Variants in ADAMTS5 observed in about 807,000 individuals in gnomAD.
The protein encoded by ADAMTS5 is ADAM metallopeptidase with thrombospondin type 1 motif 5, also known as A disintegrin and metalloproteinase with thrombospondin motifs 5.
ADAMTS5 carries 54 observed loss-of-function variants against 81.4 expected under a neutral mutation model. That is an observed-to-expected ratio of 0.66 (90% CI 0.53 to 0.83). The LOEUF is 0.83. Among genes scored for constraint, ADAMTS5 ranks in the 40% least tolerant of loss-of-function variants. ADAMTS5 has a pLI of 0.00. For missense variants in ADAMTS5, 1,194 were observed against 1,229.9 expected, an observed-to-expected ratio of 0.97 and a Z score of 0.44; for synonymous variants, 532 against 508.8, an observed-to-expected ratio of 1.05 and a Z score of -0.61.
At chr21:26,941,085 T>A in intron 3 of ADAMTS5, among the ~76,000 whole-genome samples, 1 of 152,126 alleles carries the variant, frequency 6.6e-6, no homozygotes, top group East Asian at 1.9e-4. Flanking sequence ...TTTGTTATTC[T>A]GAAATCACTT....
At position 26,924,338 on chromosome 21, in the gene ADAMTS5, T is replaced by C. The variant is rs750542824; in HGVS notation, c.2508A>G (p.Ala836=). Residue 836 remains alanine (A), a synonymous_variant, in exon 8 of 8, where the codon GCA becomes GCG. Transcript: ENST00000284987. ...CATCTAATGGTTTAGTGGGGTCTGT[T>C]GCAAGAATCTGCACTATTAGAATTT... The part of the protein sequence containing the change: ...TKEILIVQIL[A]TDPTKPLDVR... 2 of 1,614,226 alleles carry C rather than the reference T, an allele frequency of 1.2e-6. No individual in the cohort carries two copies. The highest frequency in any genetic ancestry group is 1.7e-6 in the Non-Finnish European group (2 of 1,180,042).
In ADAMTS5 at chr21:26,965,299, A is replaced by T; in HGVS notation, c.1093T>A (p.Phe365Ile). The T allele has an allele frequency of 6.2e-7, 1 of 1,610,674 alleles. No individual in the cohort carries two copies. The highest frequency in any genetic ancestry group is 2.2e-5 in the East Asian group (1 of 44,776). ...CCGGCTGGACCTACCTCCCGAGTAA[A>T]CAGGATAGCTGCATCGTAGTGCTCC... The part of the protein sequence containing the change: ...HEEHYDAAIL[F>I]TREDLCGHHS... The change falls in exon 1 of 8, where the codon TTT (phenylalanine) becomes ATT (isoleucine). Residue 365 changes from phenylalanine (F) to isoleucine (I), a missense_variant. Physicochemically the swap from Phe to Ile is conservative, Grantham distance 21. This residue lies in a region of ADAMTS5 where 696 missense variants were observed against 817.6 expected (regional missense o/e 0.85). Coordinates refer to ENST00000284987, the MANE Select transcript of ADAMTS5 (RefSeq NM_007038.5).
chr21:26,934,087 C>T (rs1986965374), intron 4 of ADAMTS5, among the ~76,000 whole-genome samples: 4 of 152,164 alleles, frequency 2.6e-5, no homozygotes, highest in Admixed American at 6.5e-5. Flanking sequence ...CCACATGTAT[C>T]GGCTCTGCTA....
Position 26,966,028 on chromosome 21 carries a change from C to A in ADAMTS5, c.364G>T (p.Ala122Ser). The A allele has an allele frequency of 6.2e-7, 1 of 1,613,050 alleles. No homozygotes were observed. Among genetic ancestry groups the A allele is most frequent in the Non-Finnish European group, 8.5e-7 (1 of 1,179,892 alleles). Residue 122 changes from alanine (A) to serine (S), a missense_variant, in exon 1 of 8, where the codon GCG becomes TCG. Physicochemically the swap from Ala to Ser is moderately conservative, Grantham distance 99 (BLOSUM62 1). This residue lies in a region of ADAMTS5 where 498 missense variants were observed against 412.3 expected (regional missense o/e 1.21). Transcript: ENST00000284987. ...GFVPAGGGTS[A>S]PWRHRSHCFY... ...CAGTGGCTCCGGTGGCGCCAGGGCG[C>A]ACTCGTCCCGCCTCCTGCGGGCACG... is the stretch of plus-strand genomic sequence containing the variant.
chr21:26,924,879 T>C (rs1181952350), intron 7 of ADAMTS5, among the ~76,000 whole-genome samples: 3 of 152,240 alleles, frequency 2.0e-5, no homozygotes, highest in Non-Finnish European at 4.4e-5. Context: ...TGCCTTCATT[T>C]AAAACATTTA....
chr21:26,961,886 A>T (rs1381634043), intron 1 of ADAMTS5, among the ~76,000 whole-genome samples: 1 of 152,136 alleles, frequency 6.6e-6, no homozygotes, highest in Non-Finnish European at 1.5e-5. Flanking sequence ...GTCTTCCTCT[A>T]CTGCCCCCTG....
At chr21:26,964,604 A>C (rs1051508376) in intron 1 of ADAMTS5, among the ~76,000 whole-genome samples, 3 of 152,152 alleles carry the variant, frequency 2.0e-5, no homozygotes, top group African/African-American at 7.2e-5. Context: ...TAAGCAAAGG[A>C]GTTGTTAAGG....
intron 1 of ADAMTS5, among the ~76,000 whole-genome samples, chr21:26,962,616 A>G (rs1290778232): frequency 2.0e-5 from 3 of 152,214 alleles, no homozygotes; most frequent in South Asian, 2.1e-4. Flanking sequence ...GCAATTTAGG[A>G]GAAGACATCT....
chr21:26,941,012 T>A (rs1400501784), intron 3 of ADAMTS5, among the ~76,000 whole-genome samples: 1 of 152,202 alleles, frequency 6.6e-6, no homozygotes, highest in Non-Finnish European at 1.5e-5. Context: ...TATGCTCTTT[T>A]GAAACAAAGT....
chr21:26,927,842 C>T (rs78018437), intron 7 of ADAMTS5, among the ~76,000 whole-genome samples: 1,603 of 151,760 alleles, frequency 0.011, 26 homozygotes, highest in African/African-American at 0.036. Flanking sequence ...GGAGCGGTCA[C>T]GGTGGTGAGG....
Position 26,924,284 on chromosome 21 carries a change from C to A in ADAMTS5, c.2562G>T (p.Lys854Asn). ...DVRYSFFVPK[K>N]STPKVNSVTS... ...TGACAGAGTTTACTTTTGGAGTGGA[C>A]TTCTTGGGAACAAAAAAGCTATAAC... The change falls in exon 8 of 8, where the codon AAG becomes AAT. Residue 854 changes from lysine (K) to asparagine (N), a missense_variant. By Grantham distance (94) the Lys-to-Asn change is moderately conservative (BLOSUM62 0). Around this residue, in one of 2 missense-constraint regions of ADAMTS5, gnomAD observed 696 missense variants for 817.6 expected, o/e 0.85. Transcript: ENST00000284987. 1.2e-6 allele frequency: 2 copies of A among 1,614,174 alleles called. No individual in the cohort carries two copies. Among genetic ancestry groups the A allele is most frequent in the Non-Finnish European group, 1.7e-6 (2 of 1,180,032 alleles).
intron 2 of ADAMTS5, chr21:26,953,921 G>T (rs1987368538): frequency 6.5e-6 from 1 of 153,896 alleles, no homozygotes; most frequent in Admixed American, 6.5e-5. Flanking sequence ...AATTAGACCA[G>T]TGTGACATAG....
intron 3 of ADAMTS5, among the ~76,000 whole-genome samples, chr21:26,936,826 G>C (rs1338446893): frequency 2.0e-5 from 3 of 152,172 alleles, no homozygotes; most frequent in East Asian, 3.8e-4. Flanking sequence ...AGTGCGATTA[G>C]GGCTTCAGAA....
intron 1 of ADAMTS5, 26 bp downstream of exon 1, chr21:26,965,262 G>T: frequency 1.3e-6 from 2 of 1,588,512 alleles, no homozygotes; most frequent in Non-Finnish European, 1.7e-6. Context: ...TCAGCGCTGG[G>T]ACCCCCGCAT....
chr21:26,950,698 T>G (rs1479299241), intron 2 of ADAMTS5, among the ~76,000 whole-genome samples: 1 of 152,190 alleles, frequency 6.6e-6, no homozygotes, highest in African/African-American at 2.4e-5. Flanking sequence ...AAAAAAGAAG[T>G]GTTCTAGTTT....
intron 3 of ADAMTS5, among the ~76,000 whole-genome samples, chr21:26,943,070 A>G (rs1987143436): frequency 6.6e-6 from 1 of 152,200 alleles, no homozygotes; most frequent in South Asian, 2.1e-4. Flanking sequence ...TCTCACAGGA[A>G]GCTAGTGGTA....
At chr21:26,944,591 A>C (rs1443794481) in intron 2 of ADAMTS5, among the ~76,000 whole-genome samples, 1 of 152,206 alleles carries the variant, frequency 6.6e-6, no homozygotes, top group Non-Finnish European at 1.5e-5. Flanking sequence ...GTAGACAGCA[A>C]ATCATCCTAG....
At position 26,918,463 on chromosome 21, in the gene ADAMTS5, A is replaced by G. The variant is rs574913035; in HGVS notation, c.*5590T>C. 1 of 152,134 alleles carries G rather than the reference A, an allele frequency of 6.6e-6. No individual in the cohort carries two copies. Among genetic ancestry groups the G allele is most frequent in the Non-Finnish European group, 1.5e-5 (1 of 67,908 alleles). 9.4% of individuals were successfully genotyped at this position (152,134 alleles called of 1,614,324 possible). On this transcript the variant is annotated 3_prime_UTR_variant, in exon 8 of 8. Transcript: ENST00000284987. ...CAAATGCAACATATTTCTTCAGTCTATTTAGTTATCTGCAAAGTCTATTTA... is the reference window on the plus strand; with the variant it reads ...CAAATGCAACATATTTCTTCAGTCTGTTTAGTTATCTGCAAAGTCTATTTA...
intron 3 of ADAMTS5, among the ~76,000 whole-genome samples, chr21:26,936,582 T>A (rs570737175): frequency 6.6e-6 from 1 of 152,298 alleles, no homozygotes; most frequent in East Asian, 1.9e-4. Flanking sequence ...TTTGTCAATC[T>A]GTGTTGGGGG....
Sources: allele counts gnomAD v4.1 joint callset (sites outside exome capture counted in the v4.1 genomes callset), GRCh38; gene constraint gnomAD v4.1.1; regional missense constraint gnomAD v4.1.1; transcripts MANE v1.5; gene names NCBI Gene and HGNC (gene_info 2026-07-23, HGNC 2026-07-21).